KIF21A: variants seen among roughly 807,000 people sequenced by gnomAD.
KIF21A encodes the protein kinesin family member 21A, also known as kinesin-like protein KIF21A.
Under a neutral mutation model 202.9 loss-of-function variants are expected in KIF21A, and 114 were observed. The ratio of observed to expected loss-of-function variants is 0.56; its 90% CI spans 0.48 to 0.66. The LOEUF (loss-of-function observed/expected upper bound fraction) is 0.66, where lower values mean the gene tolerates loss of function less well. Ranked by LOEUF, KIF21A falls within the 30% of genes least tolerant of loss-of-function variation. KIF21A has a pLI of 0.00. For missense variants in KIF21A, 1,677 were observed against 1,994.9 expected (o/e 0.84, Z 3.04); for synonymous variants, 667 against 670.8 (o/e 0.99, Z 0.09).
rs80112551 is a variant in KIF21A at position 39,430,189 on chromosome 12, A to G, written c.44+12738T>C. 1.3e-4 allele frequency among the ~76,000 whole-genome samples: 18 copies of G among 138,516 alleles called. No individual in the cohort carries two copies. In the East Asian group the frequency reaches 3.0e-3, roughly 23 times the overall value. 90.9% of individuals were successfully genotyped at this position (138,516 alleles called of 152,430 possible). On this transcript the variant is annotated intron_variant, in intron 1 of 37. Coordinates refer to ENST00000361418, the MANE Select transcript of KIF21A (RefSeq NM_001173464.2). ...ACATAGCAAAACCCTAAGACCCTGG[A>G]AAAAAAAAAAACAACCTTAAAAAAA...
intron 7 of KIF21A, among the ~76,000 whole-genome samples, chr12:39,359,203 G>A (rs978957526): frequency 1.3e-5 from 2 of 152,008 alleles, no homozygotes; most frequent in Non-Finnish European, 2.9e-5. Flanking sequence ...CACAGTACTC[G>A]TAGGTACCCC....
In KIF21A at chr12:39,341,566, C is replaced by T. The variant is rs1271240676; in HGVS notation, c.1860G>A (p.Glu620=). 6.5e-7 allele frequency: 1 copy of T among 1,536,712 alleles called. No individual in the cohort carries two copies. Among genetic ancestry groups the T allele is most frequent in the African/African-American group, 1.4e-5 (1 of 73,436 alleles). Residue 620 remains glutamate, a synonymous_variant, in exon 14 of 38, where the codon GAG becomes GAA. Coordinates refer to ENST00000361418, the MANE Select transcript of KIF21A (RefSeq NM_001173464.2). ...HEDEEEEEEE[E]EDDIDGGESS... ...TTTCACCCCCATCAATGTCATCTTC[C>T]TCCTCCTCCTCCTCCTCTTCTTCAT...
chr12:39,409,219 C>T (rs116246402), intron 1 of KIF21A, among the ~76,000 whole-genome samples: 118 of 151,716 alleles, frequency 7.8e-4, no homozygotes, highest in African/African-American at 2.6e-3. Flanking sequence ...AATCAATGAA[C>T]CTTAAGCAAA....
At chr12:39,390,874 A>C (rs1951297163) in intron 1 of KIF21A, among the ~76,000 whole-genome samples, 2 of 152,200 alleles carry the variant, frequency 1.3e-5, no homozygotes, top group Non-Finnish European at 2.9e-5. Context: ...TTGACATGTG[A>C]CAAAAGTAAA....
At chr12:39,404,415 C>T (rs1952423150) in intron 1 of KIF21A, among the ~76,000 whole-genome samples, 1 of 152,022 alleles carries the variant, frequency 6.6e-6, no homozygotes, top group Non-Finnish European at 1.5e-5. Context: ...CTGCATTTTC[C>T]AGCTCCTCTC....
At chr12:39,436,746 T>C (rs1454885156) in intron 1 of KIF21A, among the ~76,000 whole-genome samples, 1 of 151,994 alleles carries the variant, frequency 6.6e-6, no homozygotes, top group Non-Finnish European at 1.5e-5. Flanking sequence ...GGCTTGGCTG[T>C]CATTTGCTTC....
At chr12:39,314,831 G>A (rs1944366388) in intron 31 of KIF21A, among the ~76,000 whole-genome samples, 1 of 151,682 alleles carries the variant, frequency 6.6e-6, no homozygotes, top group South Asian at 2.1e-4. Context: ...AGGAGATCAG[G>A]ATGCCCTTTT....
At chr12:39,315,799 A>AATTGTGCATTTATATGTGCAC (rs1944472559) in intron 30 of KIF21A, 133 bp downstream of exon 30, 1 of 774,672 alleles carries the variant, frequency 1.3e-6, no homozygotes, top group African/African-American at 1.7e-5. Context: ...CATGTTTAGA[A>AATTGTGCATTTATATGTGCAC]ATATTAGTGC....
intron 1 of KIF21A, among the ~76,000 whole-genome samples, chr12:39,393,859 T>C (rs1232874578): frequency 6.6e-6 from 1 of 152,204 alleles, no homozygotes; most frequent in African/African-American, 2.4e-5. Flanking sequence ...TGTAATTTCA[T>C]GTAATGTCAT....
At chr12:39,325,493 A>T (rs1480244007) in intron 26 of KIF21A, among the ~76,000 whole-genome samples, 1 of 115,248 alleles carries the variant, frequency 8.7e-6, no homozygotes, top group Non-Finnish European at 1.7e-5. Flanking sequence ...CACCACGCCC[A>T]GCTAATTTTT....
At chr12:39,346,010 G>C (rs949749482) in intron 12 of KIF21A, among the ~76,000 whole-genome samples, 1 of 151,714 alleles carries the variant, frequency 6.6e-6, no homozygotes, top group Non-Finnish European at 1.5e-5. Context: ...TTCCAGTAAA[G>C]ATTATACCAA....
chr12:39,332,472 A>ATGGC, intron 20 of KIF21A, 64 bp from the exon 21 acceptor site: 10 of 1,338,056 alleles, frequency 7.5e-6, no homozygotes, highest in Non-Finnish European at 9.5e-6. Context: ...AGTACCATCA[A>ATGGC]ACCCCCCCAC....
At chr12:39,327,957 C>A (rs2137977542) in intron 24 of KIF21A, among the ~76,000 whole-genome samples, 1 of 152,308 alleles carries the variant, frequency 6.6e-6, no homozygotes, top group South Asian at 2.1e-4. Context: ...GTTAACCAAA[C>A]AGTTGGATTT....
At chr12:39,395,415 C>CCTCA (rs1951668714) in intron 1 of KIF21A, among the ~76,000 whole-genome samples, 1 of 146,884 alleles carries the variant, frequency 6.8e-6, no homozygotes, top group East Asian at 2.3e-4. Flanking sequence ...TTAGGCCAAT[C>CCTCA]CTCATCTCCT....
rs542108491 is a variant in KIF21A at position 39,345,868 on chromosome 12, T to C, written c.1712+598A>G. Among the ~76,000 whole-genome samples, 14 of 152,202 alleles carry C rather than the reference T, an allele frequency of 9.2e-5. No individual in the cohort carries two copies. The South Asian group carries it at 2.5e-3, about 27-fold the overall frequency. ...TGAAAAAAAAGCAACTATCCTGTTT[T>C]TGATGTCCACTTCAAATACATTTTA... On this transcript the variant is annotated intron_variant, in intron 12 of 37. Coordinates refer to ENST00000361418, the MANE Select transcript of KIF21A (RefSeq NM_001173464.2).
rs1314131355 is a variant in KIF21A at position 39,416,808 on chromosome 12, TATGTGTGTATATATGTACATATATG to T, written c.44+26094_44+26118del. Among the ~76,000 whole-genome samples the T allele has an allele frequency of 5.2e-5, 6 of 114,922 alleles. No individual in the cohort carries two copies. The East Asian group carries it at 1.8e-3, about 34-fold the overall frequency. 75.4% of individuals were successfully genotyped at this position (114,922 alleles called of 152,430 possible). A position where few individuals can be genotyped will look rare whatever the true frequency, so the allele number is the denominator to read the frequency against. On this transcript the variant is annotated intron_variant, in intron 1 of 37. Coordinates refer to ENST00000361418, the MANE Select transcript of KIF21A (RefSeq NM_001173464.2). The stretch of plus-strand genomic sequence containing the variant: ...ATATGTGTATATATATGTACATATA[TATGTGTGTATATATGTACATATATG>T]TGTATATATAGATATGTACATATAT...
intron 6 of KIF21A, among the ~76,000 whole-genome samples, chr12:39,365,528 G>A (rs571482377): frequency 6.6e-6 from 1 of 152,236 alleles, no homozygotes; most frequent in South Asian, 2.1e-4. Context: ...AAATCACAAG[G>A]AGTTTTCCAA....
At chr12:39,403,021 A>C (rs746827743) in intron 1 of KIF21A, among the ~76,000 whole-genome samples, 1 of 152,202 alleles carries the variant, frequency 6.6e-6, no homozygotes, top group Admixed American at 6.5e-5. Context: ...CTGGCACTAC[A>C]TGTACTCATA....
chr12:39,374,618 T>A (rs1457760081), intron 1 of KIF21A, among the ~76,000 whole-genome samples: 1 of 152,128 alleles, frequency 6.6e-6, no homozygotes, highest in Non-Finnish European at 1.5e-5. Context: ...AGCAAAGTAA[T>A]CCAGAAGTGT....
Sources: allele counts gnomAD v4.1 joint callset (sites outside exome capture counted in the v4.1 genomes callset), GRCh38; gene constraint gnomAD v4.1.1; transcripts MANE v1.5; gene names NCBI Gene and HGNC (gene_info 2026-07-23, HGNC 2026-07-21).